ZNF257: variants seen among roughly 807,000 people sequenced by gnomAD.
The protein encoded by ZNF257 is bone marrow zinc finger 4.
A neutral mutation model predicts 11.9 loss-of-function variants in ZNF257; 12 were observed. That is an observed-to-expected ratio of 1.01 (90% CI 0.65 to 1.63). The LOEUF (loss-of-function observed/expected upper bound fraction) is 1.63, where lower values mean the gene tolerates loss of function less well. ZNF257 is among the 40% of genes most tolerant of loss of function. The probability of loss-of-function intolerance (pLI) is 0.00; values close to 1 mark genes in which losing one functional copy is unlikely to be tolerated. For synonymous variants in ZNF257, 183 were observed against 222.7 expected (o/e 0.82, Z 1.59); for missense variants, 580 against 665.5 (o/e 0.87, Z 1.41).
chr19:22,084,952 C>G (rs2145717436), intron 3 of ZNF257, among the ~76,000 whole-genome samples: 1 of 152,126 alleles, frequency 6.6e-6, no homozygotes, highest in African/African-American at 2.4e-5. Context: ...TGGTTTCAAA[C>G]TCCTGACCTC....
chr19:22,062,738 T>A (rs1044236755), intron 1 of ZNF257, among the ~76,000 whole-genome samples: 22 of 152,112 alleles, frequency 1.4e-4, no homozygotes, highest in African/African-American at 5.3e-4. Context: ...CGCCTTGGCC[T>A]CCAAAGAGCT....
rs182242646 is a variant in ZNF257 at position 22,054,903 on chromosome 19, A to G, written c.3+2268A>G. 7.9e-3 allele frequency among the ~76,000 whole-genome samples: 1,165 copies of G among 147,186 alleles called. 5 individuals are homozygous for G. The highest frequency in any genetic ancestry group is 0.013 in the Non-Finnish European group (844 of 67,454). On this transcript the variant is annotated intron_variant, in intron 1 of 3. Coordinates refer to ENST00000594947, the MANE Select transcript of ZNF257 (RefSeq NM_033468.4). ...TCTGCTAGAGTATCTAGTGGATATC[A>G]GCTACTGGGTCTTTTTTTTTTTTTT...
chr19:22,089,638 G>A lies in ZNF257; in HGVS notation c.*196G>A. ...GAGAAACTCTTGAAATGTGATGAAT[G>A]TGGCATAGCCTCTTCCCAGTTCTCA... On this transcript the variant is annotated 3_prime_UTR_variant, in exon 4 of 4. Transcript: ENST00000594947. The A allele has an allele frequency of 7.2e-7, 1 of 1,380,884 alleles. No individual in the cohort carries two copies. Among genetic ancestry groups the A allele is most frequent in the Non-Finnish European group, 9.5e-7 (1 of 1,050,694 alleles). 85.5% of individuals were successfully genotyped at this position (1,380,884 alleles called of 1,614,324 possible).
chr19:22,071,579 C>T (rs1187936208), intron 1 of ZNF257, among the ~76,000 whole-genome samples: 2 of 152,026 alleles, frequency 1.3e-5, no homozygotes, highest in Non-Finnish European at 2.9e-5. Flanking sequence ...TACTTCTCTA[C>T]TTGTTTTTCC....
chr19:22,080,777 T>C (rs1839929893), intron 3 of ZNF257, among the ~76,000 whole-genome samples: 1 of 151,778 alleles, frequency 6.6e-6, no homozygotes, highest in African/African-American at 2.4e-5. Flanking sequence ...AATTTGTTGA[T>C]ATTTGCTTTA....
chr19:22,079,378 G>A (rs929161823), intron 3 of ZNF257, among the ~76,000 whole-genome samples: 5 of 152,046 alleles, frequency 3.3e-5, no homozygotes, highest in African/African-American at 1.2e-4. Context: ...AAGATTTCTT[G>A]TATTGGTTGG....
In ZNF257 at chr19:22,089,123, C is replaced by A; in HGVS notation, c.1373C>A (p.Pro458His). ...RHKIIHTGEK[P>H]YKCEECGKAF... The stretch of plus-strand genomic sequence containing the variant: ...AAGATAATTCATACTGGAGAGAAAC[C>A]CTACAAATGTGAAGAGTGTGGCAAA... The change falls in exon 4 of 4, where the codon CCC becomes CAC. Residue 458 changes from proline to histidine, a missense_variant. Transcript: ENST00000594947. 1 of 1,613,678 alleles carries A rather than the reference C, an allele frequency of 6.2e-7. No individual in the cohort carries two copies. Among genetic ancestry groups the A allele is most frequent in the Non-Finnish European group, 8.5e-7 (1 of 1,179,832 alleles).
In ZNF257 at chr19:22,088,919, A is replaced by G. The variant is rs2022554427; in HGVS notation, c.1169A>G (p.His390Arg). Residue 390 changes from histidine (H) to arginine (R), a missense_variant, in exon 4 of 4, where the codon CAT (histidine) becomes CGT (arginine). His to Arg is a conservative substitution (Grantham distance 29, BLOSUM62 0). Transcript: ENST00000594947. Reference protein sequence around the residue: ...AFNRSSHLTKHKRIHTREKAY... With the variant: ...AFNRSSHLTKRKRIHTREKAY... ...AACCGGTCTTCACACCTTACTAAACATAAGAGAATTCATACTAGAGAGAAG... is the reference window on the plus strand; with the variant it reads ...AACCGGTCTTCACACCTTACTAAACGTAAGAGAATTCATACTAGAGAGAAG... 6 of 1,612,694 alleles carry G rather than the reference A, an allele frequency of 3.7e-6. No individual in the cohort carries two copies. In the East Asian group the frequency reaches 1.3e-4, roughly 36 times the overall value.
chr19:22,058,816 AC>A (rs1057142686), intron 1 of ZNF257, among the ~76,000 whole-genome samples: 12 of 152,032 alleles, frequency 7.9e-5, no homozygotes, highest in Non-Finnish European at 1.2e-4. Flanking sequence ...TCACAAAGAC[AC>A]CCACTAGACA....
rs1303512828 is a variant in ZNF257, at chr19:22,089,008, C to T, written c.1258C>T (p.Gln420Ter). The change falls in exon 4 of 4, where the codon CAG (glutamine) becomes TAG (stop). Residue 420 changes from glutamine to a stop codon, truncating the protein, a stop_gained. Transcript: ENST00000594947. LOFTEE classifies it low-confidence loss of function (END_TRUNC). Reference sequence around the variant, plus strand: ...GTCCTCAGCTCTTACTACCCTTACTCAGCATAAGATAATTCATACTGGAGA... The same window carrying T: ...GTCCTCAGCTCTTACTACCCTTACTTAGCATAAGATAATTCATACTGGAGA... The part of the protein sequence containing the change: ...NWSSALTTLT[Q>*]HKIIHTGEKP... 1 of 1,613,184 alleles carries T rather than the reference C, an allele frequency of 6.2e-7. No homozygotes were observed. Among genetic ancestry groups the T allele is most frequent in the African/African-American group, 1.3e-5 (1 of 74,796 alleles).
chr19:22,068,838 C>T (rs2022027289), intron 1 of ZNF257, among the ~76,000 whole-genome samples: 1 of 152,188 alleles, frequency 6.6e-6, no homozygotes, highest in South Asian at 2.1e-4. Flanking sequence ...GTTCCATTTT[C>T]TATTTAGAAT....
intron 3 of ZNF257, among the ~76,000 whole-genome samples, chr19:22,081,129 G>A (rs1227747772): frequency 4.0e-5 from 6 of 151,604 alleles, no homozygotes; most frequent in Admixed American, 6.6e-5. Context: ...CACCTGCCTC[G>A]GCCTCCCAAA....
At chr19:22,055,727 G>T (rs1259738853) in intron 1 of ZNF257, among the ~76,000 whole-genome samples, 1 of 151,886 alleles carries the variant, frequency 6.6e-6, no homozygotes, top group African/African-American at 2.4e-5. Context: ...AGACACATTT[G>T]TTTCTTAATC....
chr19:22,054,758 G>C (rs1599656660), intron 1 of ZNF257, among the ~76,000 whole-genome samples: 2 of 151,990 alleles, frequency 1.3e-5, no homozygotes. Flanking sequence ...AATGTTTTTG[G>C]GTCAAAGTTT....
At chr19:22,087,666 T>C (rs8100768) in intron 3 of ZNF257, 146,367 of 866,616 alleles carry the variant, frequency 0.17, 15,337 homozygotes, top group African/African-American at 0.45. Context: ...AAGGGCACTA[T>C]GTTATACTGA....
chr19:22,088,251 T>C lies in ZNF257; in HGVS notation c.501T>C (p.His167=), dbSNP rs201878358. ...FSNSDRHKIR[H]TEKKTCKCKE... ...ATTCAGATAGACATAAGATAAGACATACTGAAAAGAAAACTTGCAAATGTA... is the reference window on the plus strand; with the variant it reads ...ATTCAGATAGACATAAGATAAGACACACTGAAAAGAAAACTTGCAAATGTA... Residue 167 remains histidine (H), a synonymous_variant, in exon 4 of 4, where the codon CAT becomes CAC. Transcript: ENST00000594947. 489 of 1,613,088 alleles carry C rather than the reference T, an allele frequency of 3.0e-4. 3 individuals carry two copies. The East Asian group carries it at 0.011, about 35-fold the overall frequency.
At chr19:22,079,444 A>G (rs1473327272) in intron 3 of ZNF257, among the ~76,000 whole-genome samples, 1 of 152,148 alleles carries the variant, frequency 6.6e-6, no homozygotes, top group African/African-American at 2.4e-5. Flanking sequence ...TTATAAAGAA[A>G]GAGGTTTAAT....
chr19:22,079,431 A>G lies in ZNF257; in HGVS notation c.226+5867A>G, dbSNP rs146275106. Reference sequence around the variant, plus strand: ...AATAAGAACATACCCAAGACTGGGTAATTTATAAAGAAAGAGGTTTAATTG... The same window carrying G: ...AATAAGAACATACCCAAGACTGGGTGATTTATAAAGAAAGAGGTTTAATTG... On this transcript the variant is annotated intron_variant, in intron 3 of 3. Coordinates refer to ENST00000594947, the MANE Select transcript of ZNF257 (RefSeq NM_033468.4). Among the ~76,000 whole-genome samples, 1,311 of 152,254 alleles carry G rather than the reference A, an allele frequency of 8.6e-3. 13 individuals are homozygous for G. Among genetic ancestry groups the G allele is most frequent in the Middle Eastern group, 0.01 (3 of 294 alleles).
intron 1 of ZNF257, among the ~76,000 whole-genome samples, chr19:22,065,205 T>C (rs1357039054): frequency 6.6e-6 from 1 of 152,126 alleles, no homozygotes; most frequent in African/African-American, 2.4e-5. Flanking sequence ...TTTTTTGTTT[T>C]GTTTTGTTTT....
Sources: gnomAD v4.1 joint callset for allele counts (sites outside exome capture counted in the v4.1 genomes callset) on GRCh38, gnomAD v4.1.1 for gene constraint, MANE v1.5 for transcripts, NCBI Gene and HGNC (gene_info 2026-07-23, HGNC 2026-07-21) for gene names.